The following ITGA1 variants were observed in gnomAD, a reference collection of about 807,000 sequenced individuals.
ITGA1 encodes the protein integrin subunit alpha 1.
In ITGA1, 85 loss-of-function variants were observed where a neutral mutation model predicts 145.9. The observed-to-expected ratio is 0.58, with a 90% CI of 0.49 to 0.70. The LOEUF is 0.70. Ranked by LOEUF, ITGA1 falls within the 30% of genes least tolerant of loss-of-function variation. ITGA1 has a pLI of 0.00. For missense variants in ITGA1, 1,351 were observed against 1,418.7 expected (o/e 0.95, Z 0.77); for synonymous variants, 520 against 495.3 (o/e 1.05, Z -0.66).
Position 52,881,933 on chromosome 5 carries a change from T to C in ITGA1, c.685T>C (p.Ser229Pro). 1 of 1,613,914 alleles carries C rather than the reference T, an allele frequency of 6.2e-7. No individual in the cohort carries two copies. Among genetic ancestry groups the C allele is most frequent in the Non-Finnish European group, 8.5e-7 (1 of 1,179,904 alleles). Residue 229 changes from serine to proline, a missense_variant, in exon 7 of 29, where the codon TCC becomes CCC. Coordinates refer to ENST00000282588, the MANE Select transcript of ITGA1 (RefSeq NM_181501.2). ...TGAGTTCAACCTCAATAAGTATTCT[T>C]CCACCGAAGAGGTACTTGTTGCAGC... The part of the protein sequence containing the change: ...THEFNLNKYS[S>P]TEEVLVAAKK...
At position 52,805,330 on chromosome 5, in the gene ITGA1, C is replaced by T. The variant is rs190135400; in HGVS notation, c.61+16916C>T. Among the ~76,000 whole-genome samples the T allele has an allele frequency of 2.4e-3, 372 of 151,966 alleles. 4 individuals are homozygous for T. The highest frequency in any genetic ancestry group is 3.6e-3 in the Non-Finnish European group (243 of 67,962). On this transcript the variant is annotated intron_variant, in intron 1 of 28. Coordinates refer to ENST00000282588, the MANE Select transcript of ITGA1 (RefSeq NM_181501.2). ...ATACCACTTTGGCAGCATCAAGGAT[C>T]GATTGGAGGAGGCAAGACTGGAGGC...
intron 26 of ITGA1, among the ~76,000 whole-genome samples, chr5:52,942,290 T>C (rs748984364): frequency 6.6e-6 from 1 of 152,190 alleles, no homozygotes; most frequent in Non-Finnish European, 1.5e-5. Context: ...AATTTTAGAA[T>C]AGTTTTTTCT....
At chr5:52,890,711 A>G (rs1339715181) in intron 8 of ITGA1, among the ~76,000 whole-genome samples, 1 of 152,224 alleles carries the variant, frequency 6.6e-6, no homozygotes, top group Non-Finnish European at 1.5e-5. Context: ...TCAGACACTT[A>G]TCATTTCTTT....
intron 20 of ITGA1, among the ~76,000 whole-genome samples, chr5:52,928,835 T>A (rs1750850949): frequency 6.6e-6 from 1 of 152,224 alleles, no homozygotes; most frequent in Non-Finnish European, 1.5e-5. Context: ...AAAGTTATTT[T>A]CCTTGTAAAA....
intron 1 of ITGA1, among the ~76,000 whole-genome samples, chr5:52,817,567 G>A (rs1052879094): frequency 2.6e-5 from 4 of 152,118 alleles, no homozygotes; most frequent in Non-Finnish European, 5.9e-5. Context: ...AAACTAAAAT[G>A]GATTGAGAAG....
In ITGA1 at chr5:52,958,727, C is replaced by T. The variant is rs1024540181; in HGVS notation, c.*6276C>T. 7.2e-5 allele frequency: 11 copies of T among 152,156 alleles called. No homozygotes were observed. The highest frequency in any genetic ancestry group is 2.7e-4 in the African/African-American group (11 of 41,440). 9.4% of individuals were successfully genotyped at this position (152,156 alleles called of 1,614,324 possible). A position where few individuals can be genotyped will look rare whatever the true frequency, so the allele number is the denominator to read the frequency against. On this transcript the variant is annotated 3_prime_UTR_variant, in exon 29 of 29. Coordinates refer to ENST00000282588, the MANE Select transcript of ITGA1 (RefSeq NM_181501.2). ...TTATTAGCAAGAAAAATATTGCATA[C>T]AAGAACTACTGCCCTGAAATATCCA...
chr5:52,849,549 G>A (rs752812338), intron 2 of ITGA1, 64 bp downstream of exon 2: 36 of 1,326,792 alleles, frequency 2.7e-5, no homozygotes, highest in Non-Finnish European at 3.5e-5. Context: ...AATATTATTT[G>A]ACTACAGTTT....
chr5:52,809,954 A>G (rs1748659604), intron 1 of ITGA1, among the ~76,000 whole-genome samples: 1 of 152,196 alleles, frequency 6.6e-6, no homozygotes, highest in Non-Finnish European at 1.5e-5. Flanking sequence ...TCATAAGAAA[A>G]TGAAAATCAA....
At chr5:52,901,024 G>A (rs1043473236) in intron 11 of ITGA1, among the ~76,000 whole-genome samples, 22 of 152,116 alleles carry the variant, frequency 1.4e-4, no homozygotes, top group Non-Finnish European at 2.8e-4. Flanking sequence ...ACTTTGCATG[G>A]CAAAAGGGAC....
intron 1 of ITGA1, among the ~76,000 whole-genome samples, chr5:52,849,094 G>GT (rs1749385673): frequency 6.6e-6 from 1 of 152,314 alleles, no homozygotes; most frequent in Non-Finnish European, 1.5e-5. Context: ...TATATACCCA[G>GT]TAATGGGATG....
At chr5:52,915,708 CA>C in intron 15 of ITGA1, 114 bp downstream of exon 15, 3 of 1,268,602 alleles carry the variant, frequency 2.4e-6, no homozygotes, top group Non-Finnish European at 3.3e-6. Context: ...TTCCACTATG[CA>C]AATACAAGTT....
At chr5:52,940,856 T>C (rs1751044536) in intron 26 of ITGA1, among the ~76,000 whole-genome samples, 1 of 152,132 alleles carries the variant, frequency 6.6e-6, no homozygotes, top group Non-Finnish European at 1.5e-5. Context: ...GTTACATGGG[T>C]ATATTTGCAG....
chr5:52,891,018 G>A (rs1478804175), intron 8 of ITGA1, among the ~76,000 whole-genome samples: 1 of 152,052 alleles, frequency 6.6e-6, no homozygotes, highest in Admixed American at 6.6e-5. Flanking sequence ...TTAATATAAT[G>A]TTCTTCAGTT....
chr5:52,881,352 T>C (rs16880410), intron 6 of ITGA1, among the ~76,000 whole-genome samples: 9,951 of 152,226 alleles, frequency 0.065, 928 homozygotes, highest in African/African-American at 0.21. Flanking sequence ...GTTTCCCCTG[T>C]ATGGACGCTC....
intron 3 of ITGA1, among the ~76,000 whole-genome samples, chr5:52,864,299 G>T (rs374928481): frequency 1.3e-5 from 2 of 152,130 alleles, no homozygotes; most frequent in Non-Finnish European, 2.9e-5. Context: ...CCCAAAGGAT[G>T]TCCTCATGAT....
intron 23 of ITGA1, among the ~76,000 whole-genome samples, chr5:52,934,922 A>G (rs1214254386): frequency 6.6e-6 from 1 of 151,948 alleles, no homozygotes; most frequent in Admixed American, 6.6e-5. Flanking sequence ...CCTGGAAATT[A>G]GCATAAATGC....
At position 52,954,461 on chromosome 5, in the gene ITGA1, T is replaced by C. The variant is rs989481698; in HGVS notation, c.*2010T>C. The C allele has an allele frequency of 6.6e-6, 1 of 152,210 alleles. No individual in the cohort carries two copies. The allele number at this position is 152,210 out of a possible 1,614,324, so 9.4% of individuals were successfully genotyped here. A position where few individuals can be genotyped will look rare whatever the true frequency, so the allele number is the denominator to read the frequency against. On this transcript the variant is annotated 3_prime_UTR_variant, in exon 29 of 29. Coordinates refer to ENST00000282588, the MANE Select transcript of ITGA1 (RefSeq NM_181501.2). ...AAGGGAAAAAATAGAAATGAGGGCA[T>C]TTTGAAGTTTTTAGAAAAGAGAGGA...
intron 17 of ITGA1, among the ~76,000 whole-genome samples, chr5:52,920,892 G>A (rs1264623064): frequency 6.6e-6 from 1 of 152,032 alleles, no homozygotes; most frequent in East Asian, 1.9e-4. Flanking sequence ...ATGCTTTCTG[G>A]GATCCATGTA....
Position 52,887,821 on chromosome 5 carries a change from G to C in ITGA1, c.780G>C (p.Glu260Asp). ...TALGIDTARK[E>D]AFTEARGARR... The stretch of plus-strand genomic sequence containing the variant: ...TTGTTTGTGATTACTTTAGAAAGGA[G>C]GCATTCACGGAAGCCCGGGGTGCCC... Residue 260 changes from glutamate (E) to aspartate (D), a missense_variant, in exon 8 of 29, where the codon GAG becomes GAC. Transcript: ENST00000282588. 1 of 1,611,764 alleles carries C rather than the reference G, an allele frequency of 6.2e-7. No individual in the cohort carries two copies. Among genetic ancestry groups the C allele is most frequent in the Non-Finnish European group, 8.5e-7 (1 of 1,178,476 alleles).
Sources: gnomAD v4.1 joint callset for allele counts (sites outside exome capture counted in the v4.1 genomes callset) on GRCh38, gnomAD v4.1.1 for gene constraint, MANE v1.5 for transcripts, NCBI Gene and HGNC (gene_info 2026-07-23, HGNC 2026-07-21) for gene names.